NBEA: variants seen among roughly 807,000 people sequenced by gnomAD.
NBEA encodes the protein neurobeachin, also known as lysosomal-trafficking regulator 2.
Under a neutral mutation model 343.4 loss-of-function variants are expected in NBEA, and 44 were observed. The ratio of observed to expected loss-of-function variants is 0.13; its 90% confidence interval spans 0.10 to 0.16. The LOEUF (loss-of-function observed/expected upper bound fraction) is 0.16. NBEA is among the 10% of genes least tolerant of loss of function. The probability of loss-of-function intolerance (pLI) is 1.00; values close to 1 mark genes in which losing one functional copy is unlikely to be tolerated. For synonymous variants in NBEA, 1,175 were observed against 1,238.7 expected, an observed-to-expected ratio of 0.95 and a Z score of 1.08; for missense variants, 2,555 against 3,631.3, an observed-to-expected ratio of 0.70 and a Z score of 7.62.
At chr13:35,328,574 T>C (rs1396023151) in intron 36 of NBEA, among the ~76,000 whole-genome samples, 3 of 151,954 alleles carry the variant, frequency 2.0e-5, no homozygotes, top group Non-Finnish European at 4.4e-5. Flanking sequence ...GTGATTATCA[T>C]GCATTGCATG....
chr13:35,576,844 A>AT (rs2080766644), intron 45 of NBEA, among the ~76,000 whole-genome samples: 1 of 152,196 alleles, frequency 6.6e-6, no homozygotes, highest in African/African-American at 2.4e-5. Context: ...AAACTTAATA[A>AT]TTTTTGACAA....
intron 41 of NBEA, among the ~76,000 whole-genome samples, chr13:35,547,654 G>T (rs568030381): frequency 2.0e-5 from 3 of 152,108 alleles, no homozygotes; most frequent in Admixed American, 1.3e-4. Context: ...TTGGGAGGCC[G>T]AGTCAGGTGG....
At chr13:35,381,416 T>G (rs1258135713) in intron 38 of NBEA, among the ~76,000 whole-genome samples, 2 of 152,136 alleles carry the variant, frequency 1.3e-5, no homozygotes. Flanking sequence ...TCTTAGGTAA[T>G]TATAATATTA....
At chr13:34,986,024 T>C (rs1593368223) in intron 1 of NBEA, among the ~76,000 whole-genome samples, 1 of 150,840 alleles carries the variant, frequency 6.6e-6, no homozygotes, top group East Asian at 1.9e-4. Context: ...TTTTTTTGTG[T>C]CTCTATCTCT....
At chr13:35,225,783 T>C (rs2074620149) in intron 33 of NBEA, among the ~76,000 whole-genome samples, 1 of 152,152 alleles carries the variant, frequency 6.6e-6, no homozygotes, top group South Asian at 2.1e-4. Flanking sequence ...CTAAGTCTTC[T>C]TGGAGTTCCT....
At chr13:35,095,820 A>G (rs2065305146) in intron 10 of NBEA, among the ~76,000 whole-genome samples, 1 of 151,986 alleles carries the variant, frequency 6.6e-6, no homozygotes. Context: ...TATACTTTTC[A>G]AGAGAATTTT....
chr13:35,459,975 G>A (rs7331077), intron 40 of NBEA, among the ~76,000 whole-genome samples: 2,684 of 152,262 alleles, frequency 0.018, 99 homozygotes, highest in African/African-American at 0.061. Context: ...CTAACTCTGT[G>A]CATTGCAATT....
chr13:35,103,232 A>G (rs1185836212), intron 11 of NBEA, among the ~76,000 whole-genome samples: 2 of 151,768 alleles, frequency 1.3e-5, no homozygotes, highest in African/African-American at 2.4e-5. Flanking sequence ...ACCTACTCCT[A>G]TTCCAACCTG....
At chr13:35,428,408 C>T (rs903020123) in intron 38 of NBEA, among the ~76,000 whole-genome samples, 2 of 152,146 alleles carry the variant, frequency 1.3e-5, no homozygotes, top group Admixed American at 6.5e-5. Flanking sequence ...TCACTTTTTC[C>T]TCTATTTCCT....
chr13:35,657,072 A>C (rs981853960), intron 55 of NBEA, among the ~76,000 whole-genome samples: 4 of 152,220 alleles, frequency 2.6e-5, no homozygotes, highest in Non-Finnish European at 4.4e-5. Flanking sequence ...AATACCGCAA[A>C]AATAGGAAAT....
At chr13:35,273,354 G>A (rs1235682196) in intron 34 of NBEA, among the ~76,000 whole-genome samples, 2 of 152,186 alleles carry the variant, frequency 1.3e-5, no homozygotes, top group African/African-American at 4.8e-5. Context: ...ATTTAAAGGA[G>A]TGTGTAGAGG....
At chr13:35,565,695 T>G (rs1157085731) in intron 44 of NBEA, among the ~76,000 whole-genome samples, 2 of 152,328 alleles carry the variant, frequency 1.3e-5, no homozygotes, top group African/African-American at 2.4e-5. Context: ...TCTCTTAATT[T>G]CACCTGATCA....
intron 38 of NBEA, among the ~76,000 whole-genome samples, chr13:35,414,153 G>A (rs2043754697): frequency 6.6e-6 from 1 of 152,096 alleles, no homozygotes; most frequent in Non-Finnish European, 1.5e-5. Flanking sequence ...AGAATATACT[G>A]ACTAAATAGG....
rs572467085 is a variant in NBEA at position 35,457,520 on chromosome 13, A to G, written c.6448+5285A>G. ...TAGATTTGCTTATTCTGGACATTGC[A>G]TACAAATGGAATCATAGATAGACTT... is the stretch of plus-strand genomic sequence containing the variant. On this transcript the variant is annotated intron_variant, in intron 40 of 58. Transcript: ENST00000379939. 9.2e-5 allele frequency among the ~76,000 whole-genome samples: 14 copies of G among 152,348 alleles called. No individual in the cohort carries two copies. In the East Asian group the frequency reaches 1.9e-3, roughly 21 times the overall value.
At chr13:35,086,691 G>A (rs992997260) in intron 10 of NBEA, among the ~76,000 whole-genome samples, 5 of 151,722 alleles carry the variant, frequency 3.3e-5, no homozygotes, top group African/African-American at 4.8e-5. Context: ...AGGATTGCTG[G>A]GTCGAATGGT....
intron 45 of NBEA, among the ~76,000 whole-genome samples, chr13:35,569,623 A>G (rs1051212981): frequency 6.6e-6 from 1 of 152,186 alleles, no homozygotes; most frequent in Non-Finnish European, 1.5e-5. Flanking sequence ...AACACTCTAC[A>G]AGTGAAAGAG....
intron 1 of NBEA, among the ~76,000 whole-genome samples, chr13:34,975,302 A>C (rs571299247): frequency 1.3e-5 from 2 of 152,346 alleles, no homozygotes; most frequent in East Asian, 3.9e-4. Flanking sequence ...GAACCCAGAA[A>C]TAAAGCCACA....
At chr13:35,590,012 A>G (rs749549883) in intron 46 of NBEA, among the ~76,000 whole-genome samples, 3 of 152,158 alleles carry the variant, frequency 2.0e-5, no homozygotes, top group Non-Finnish European at 4.4e-5. Flanking sequence ...CTTATCTCCC[A>G]TGCCTAAAAC....
chr13:35,590,799 A>C (rs9601016), intron 46 of NBEA, among the ~76,000 whole-genome samples: 16,968 of 152,142 alleles, frequency 0.11, 1,183 homozygotes, highest in African/African-American at 0.2. Flanking sequence ...TCTGAAGATA[A>C]AACTTTTTGG....
Sources: allele counts gnomAD v4.1 joint callset (sites outside exome capture counted in the v4.1 genomes callset), GRCh38; gene constraint gnomAD v4.1.1; transcripts MANE v1.5; gene names NCBI Gene and HGNC (gene_info 2026-07-23, HGNC 2026-07-21).